LDB2: variants seen among roughly 807,000 people sequenced by gnomAD.
The protein encoded by LDB2 is LIM domain binding 2.
A neutral mutation model predicts 44.3 loss-of-function variants in LDB2; 12 were observed. The observed-to-expected ratio is 0.27, with a 90% CI of 0.17 to 0.44. The LOEUF (loss-of-function observed/expected upper bound fraction) is 0.44, where lower values mean the gene tolerates loss of function less well. LDB2 is among the 20% of genes least tolerant of loss of function. The pLI, the probability that LDB2 is intolerant of heterozygous loss-of-function variation, is 1.00. For synonymous variants in LDB2, 164 were observed against 174.8 expected (o/e 0.94, Z 0.49); for missense variants, 344 against 473.5 (o/e 0.73, Z 2.54).
At chr4:16,789,176 C>A in intron 1 of LDB2, among the ~76,000 whole-genome samples, 1 of 152,168 alleles carries the variant, frequency 6.6e-6, no homozygotes, top group East Asian at 1.9e-4. Flanking sequence ...ATGCATATGG[C>A]AGAGCCATCA....
intron 1 of LDB2, among the ~76,000 whole-genome samples, chr4:16,883,137 T>G (rs1374688338): frequency 6.6e-6 from 1 of 152,222 alleles, no homozygotes; most frequent in African/African-American, 2.4e-5. Context: ...GGCAAGACAC[T>G]GTGACCAGCA....
rs531439343 is a variant in LDB2 at position 16,811,500 on chromosome 4, T to C, written c.133-52240A>G. Among the ~76,000 whole-genome samples, 13 of 152,336 alleles carry C rather than the reference T, an allele frequency of 8.5e-5. No homozygotes were observed. In the South Asian group the frequency reaches 1.9e-3, roughly 22 times the overall value. Reference sequence around the variant, plus strand: ...ATTCTCTGTGGTATACTCATTCAACTTGAAATAAACCTTTTAGGGAAAGGG... The same window carrying C: ...ATTCTCTGTGGTATACTCATTCAACCTGAAATAAACCTTTTAGGGAAAGGG... On this transcript the variant is annotated intron_variant, in intron 1 of 7. Transcript: ENST00000304523.
rs1360240205 is a variant in LDB2 at position 16,885,253 on chromosome 4, G to A, written c.132+13101C>T. Among the ~76,000 whole-genome samples the A allele has an allele frequency of 5.9e-5, 9 of 151,290 alleles. No homozygotes were observed. The South Asian group carries it at 8.4e-4, about 14-fold the overall frequency. ...CAGGAAGCTAAGGTGTGAGAAATTC[G>A]AGTCTTGGAGGTCGAGGCTGCAGTG... On this transcript the variant is annotated intron_variant, in intron 1 of 7. Coordinates refer to ENST00000304523, the MANE Select transcript of LDB2 (RefSeq NM_001290.5).
At chr4:16,868,006 A>T (rs902024794) in intron 1 of LDB2, among the ~76,000 whole-genome samples, 1 of 152,180 alleles carries the variant, frequency 6.6e-6, no homozygotes, top group African/African-American at 2.4e-5. Context: ...CAAATTACCA[A>T]AGCCCAGAAA....
intron 5 of LDB2, among the ~76,000 whole-genome samples, chr4:16,561,171 C>G (rs532234527): frequency 1.3e-5 from 2 of 152,094 alleles, no homozygotes; most frequent in Admixed American, 6.5e-5. Context: ...ACAGGGATGC[C>G]CTCTCTCACC....
intron 2 of LDB2, among the ~76,000 whole-genome samples, chr4:16,638,966 T>C (rs1356997641): frequency 1.3e-5 from 2 of 152,240 alleles, no homozygotes; most frequent in Non-Finnish European, 1.5e-5. Context: ...GAGGGAAATT[T>C]AACATTTCCC....
chr4:16,758,707 A>G lies in LDB2; in HGVS notation c.235+451T>C, dbSNP rs191408895. 7.4e-4 allele frequency among the ~76,000 whole-genome samples: 112 copies of G among 152,328 alleles called. 2 individuals carry two copies. The East Asian group carries it at 0.019, about 26-fold the overall frequency. On this transcript the variant is annotated intron_variant, in intron 2 of 7. Transcript: ENST00000304523. ...TCCCCACACCCCAAAAAAAGATAGC[A>G]CTTGTCAAATAAATACCTGAGATAA...
chr4:16,603,788 C>T (rs1021644610), intron 2 of LDB2, among the ~76,000 whole-genome samples: 3 of 152,016 alleles, frequency 2.0e-5, no homozygotes, highest in African/African-American at 7.2e-5. Flanking sequence ...TTAAAATATC[C>T]AATCTTCCTA....
In LDB2 at chr4:16,702,383, C is replaced by T. The variant is rs538358866; in HGVS notation, c.235+56775G>A. On this transcript the variant is annotated intron_variant, in intron 2 of 7. Transcript: ENST00000304523. ...CTGAACTGCATGCCCTGCATGCTCC[C>T]GTTCCCCTCCCACTCCCCTAACAGG... Among the ~76,000 whole-genome samples the T allele has an allele frequency of 9.9e-5, 15 of 152,276 alleles. No homozygotes were observed. In the East Asian group the frequency reaches 2.1e-3, roughly 22 times the overall value.
At position 16,643,010 on chromosome 4, in the gene LDB2, T is replaced by C. The variant is rs544718925; in HGVS notation, c.236-47135A>G. ...GATTGGTTAAACACCTTAACCTCCA[T>C]GTATGATGCCTGGCAGAGCCACCTC... is the stretch of plus-strand genomic sequence containing the variant. On this transcript the variant is annotated intron_variant, in intron 2 of 7. Transcript: ENST00000304523. Among the ~76,000 whole-genome samples the C allele has an allele frequency of 2.0e-5, 3 of 152,346 alleles. No individual in the cohort carries two copies. In the South Asian group the frequency reaches 6.2e-4, roughly 32 times the overall value.
At chr4:16,503,705 TGAA>T (rs1718223271) in intron 7 of LDB2, among the ~76,000 whole-genome samples, 2 of 152,176 alleles carry the variant, frequency 1.3e-5, no homozygotes. Context: ...AAAGGGAAGA[TGAA>T]GAACGCTAAT....
intron 2 of LDB2, among the ~76,000 whole-genome samples, chr4:16,692,105 A>T (rs1750911933): frequency 6.6e-6 from 1 of 151,970 alleles, no homozygotes. Context: ...GCAGCCTTTG[A>T]TTCATCACGA....
intron 5 of LDB2, among the ~76,000 whole-genome samples, chr4:16,539,638 AAACTTGTGCCAAATTTATTC>A (rs1733067538): frequency 6.6e-6 from 1 of 152,218 alleles, no homozygotes; most frequent in African/African-American, 2.4e-5. Context: ...GTGATTACAT[AAACTTGTGCCAAATTTATTC>A]AGTTACTCCC....
rs1397575823 is a variant in LDB2, at chr4:16,624,436, TAAA to T, written c.236-28564_236-28562del. On this transcript the variant is annotated intron_variant, in intron 2 of 7. Transcript: ENST00000304523. ...TTAAAATAAATAAATAAACAAAAAA[TAAA>T]AAATATATAAAATGTTGGTAACTAC... Among the ~76,000 whole-genome samples, 4 of 152,216 alleles carry T rather than the reference TAAA, an allele frequency of 2.6e-5. No homozygotes were observed. The East Asian group carries it at 7.7e-4, about 29-fold the overall frequency.
chr4:16,871,136 C>T (rs1267626683), intron 1 of LDB2, among the ~76,000 whole-genome samples: 1 of 152,116 alleles, frequency 6.6e-6, no homozygotes, highest in Non-Finnish European at 1.5e-5. Context: ...ATAACTAGTC[C>T]AAAATTCCTA....
intron 2 of LDB2, among the ~76,000 whole-genome samples, chr4:16,736,304 G>C (rs540285560): frequency 6.6e-6 from 1 of 152,120 alleles, no homozygotes; most frequent in Non-Finnish European, 1.5e-5. Flanking sequence ...TCAATGAAAC[G>C]TCTTCCCAAA....
At chr4:16,666,695 A>T (rs1429222810) in intron 2 of LDB2, among the ~76,000 whole-genome samples, 1 of 152,176 alleles carries the variant, frequency 6.6e-6, no homozygotes, top group Non-Finnish European at 1.5e-5. Flanking sequence ...ATGCCCTTGG[A>T]AAGAAAATTC....
intron 1 of LDB2, among the ~76,000 whole-genome samples, chr4:16,797,663 G>C (rs1400804977): frequency 1.3e-5 from 2 of 152,000 alleles, no homozygotes; most frequent in Admixed American, 1.3e-4. Context: ...ATTTATTAGA[G>C]AGGCTCTGAG....
At chr4:16,668,006 A>T (rs1189246212) in intron 2 of LDB2, among the ~76,000 whole-genome samples, 1 of 152,212 alleles carries the variant, frequency 6.6e-6, no homozygotes, top group Admixed American at 6.5e-5. Flanking sequence ...GGGATCCAAT[A>T]GAGTTCATGA....
Sources: gnomAD v4.1 joint callset for allele counts (sites outside exome capture counted in the v4.1 genomes callset) on GRCh38, gnomAD v4.1.1 for gene constraint, MANE v1.5 for transcripts, NCBI Gene and HGNC (gene_info 2026-07-23, HGNC 2026-07-21) for gene names.